LRMDA: variants seen among roughly 807,000 people sequenced by gnomAD.
The protein encoded by LRMDA is leucine rich melanocyte differentiation associated.
Under a neutral mutation model 29.8 loss-of-function variants are expected in LRMDA, and 18 were observed. The ratio of observed to expected loss-of-function variants is 0.60; its 90% confidence interval spans 0.42 to 0.90. LRMDA has a LOEUF of 0.90. LRMDA is among the 40% of genes least tolerant of loss of function. The pLI is 0.00. For synonymous variants in LRMDA, 125 were observed against 109.4 expected (o/e 1.14, Z -0.89); for missense variants, 273 against 273.9 (o/e 1.00, Z 0.02).
chr10:75,718,886 A>G (rs1274167118), intron 2 of LRMDA, among the ~76,000 whole-genome samples: 1 of 152,216 alleles, frequency 6.6e-6, no homozygotes, highest in African/African-American at 2.4e-5. Context: ...TACAAAGGAT[A>G]AATATCTAAA....
chr10:76,117,683 C>T (rs1337122759), intron 5 of LRMDA, among the ~76,000 whole-genome samples: 1 of 152,170 alleles, frequency 6.6e-6, no homozygotes, highest in Non-Finnish European at 1.5e-5. Context: ...AGACTGAGTG[C>T]TTTCCATGGT....
At chr10:76,015,899 T>C (rs1462843007) in intron 2 of LRMDA, among the ~76,000 whole-genome samples, 1 of 152,262 alleles carries the variant, frequency 6.6e-6, no homozygotes, top group Non-Finnish European at 1.5e-5. Context: ...TTTATGATTT[T>C]CAAGTCTCAT....
At chr10:76,142,687 TTA>T (rs1337058055) in intron 5 of LRMDA, among the ~76,000 whole-genome samples, 1,121 of 18,408 alleles carry the variant, frequency 0.061, 43 homozygotes, top group African/African-American at 0.3. Flanking sequence ...ATTATCTTTA[TTA>T]TTATTATTAT....
chr10:75,928,287 GT>G (rs5786203), intron 2 of LRMDA, among the ~76,000 whole-genome samples: 2 of 146,892 alleles, frequency 1.4e-5, no homozygotes. Flanking sequence ...TTAGTTTTGG[GT>G]TTTTTTTTTT....
At chr10:76,488,172 ATC>A (rs1005029809) in intron 6 of LRMDA, among the ~76,000 whole-genome samples, 4 of 151,868 alleles carry the variant, frequency 2.6e-5, no homozygotes, top group African/African-American at 7.2e-5. Flanking sequence ...GAAAAAAATT[ATC>A]TGTTTTTCTT....
At chr10:76,028,239 A>G (rs1413318744) in intron 2 of LRMDA, among the ~76,000 whole-genome samples, 2 of 152,116 alleles carry the variant, frequency 1.3e-5, no homozygotes, top group African/African-American at 4.8e-5. Flanking sequence ...AATTTCTCCC[A>G]TATTTTTATT....
intron 2 of LRMDA, among the ~76,000 whole-genome samples, chr10:75,873,767 T>G (rs930069875): frequency 5.9e-5 from 9 of 152,256 alleles, no homozygotes; most frequent in African/African-American, 2.2e-4. Flanking sequence ...GGTTAGTTTT[T>G]CTCTCTAAGC....
At position 75,653,991 on chromosome 10, in the gene LRMDA, C is replaced by T. The variant is rs540333721; in HGVS notation, c.131+215497C>T. Among the ~76,000 whole-genome samples the T allele has an allele frequency of 2.0e-4, 31 of 152,340 alleles. No homozygotes were observed. In the South Asian group the frequency reaches 5.4e-3, roughly 26 times the overall value. On this transcript the variant is annotated intron_variant, in intron 2 of 6. Transcript: ENST00000611255. ...TTTAGTAAAGTCCCCGGGTTGGCCT[C>T]TATGTGGACATTTGGTCCCCAGTGC...
At chr10:76,169,762 G>A (rs906471043) in intron 5 of LRMDA, among the ~76,000 whole-genome samples, 1 of 152,074 alleles carries the variant, frequency 6.6e-6, no homozygotes, top group Non-Finnish European at 1.5e-5. Flanking sequence ...GGTTCTCAAG[G>A]GTTTAAAAGC....
chr10:75,722,673 G>A (rs1842583068), intron 2 of LRMDA, among the ~76,000 whole-genome samples: 1 of 152,150 alleles, frequency 6.6e-6, no homozygotes, highest in African/African-American at 2.4e-5. Context: ...CTGTTTTGGG[G>A]TCAGTTAAAT....
intron 6 of LRMDA, among the ~76,000 whole-genome samples, chr10:76,504,721 T>C (rs1194203983): frequency 4.6e-5 from 7 of 152,100 alleles, no homozygotes; most frequent in Non-Finnish European, 1.0e-4. Context: ...CTCTAAATGA[T>C]GGCAGAGAGT....
chr10:76,199,097 T>A (rs960175), intron 5 of LRMDA, among the ~76,000 whole-genome samples: 7,528 of 152,264 alleles, frequency 0.049, 566 homozygotes, highest in African/African-American at 0.16. Context: ...TATGTGTGTG[T>A]GCACTTGTGT....
chr10:76,317,539 A>G (rs1312974292), intron 5 of LRMDA, among the ~76,000 whole-genome samples: 1 of 152,096 alleles, frequency 6.6e-6, no homozygotes, highest in African/African-American at 2.4e-5. Context: ...AAAGTTTACA[A>G]CTCCAAACAT....
chr10:75,475,599 T>C (rs1192367502), intron 2 of LRMDA, among the ~76,000 whole-genome samples: 1 of 152,242 alleles, frequency 6.6e-6, no homozygotes, highest in Non-Finnish European at 1.5e-5. Flanking sequence ...GTTTGGTATC[T>C]AGGCTCCTTT....
At chr10:75,465,865 T>G (rs193215215) in intron 2 of LRMDA, among the ~76,000 whole-genome samples, 1 of 152,356 alleles carries the variant, frequency 6.6e-6, no homozygotes, top group African/African-American at 2.4e-5. Context: ...CGTCCAATCT[T>G]GCTTAATGAA....
chr10:75,643,994 C>T (rs1435063146), intron 2 of LRMDA, among the ~76,000 whole-genome samples: 1 of 152,140 alleles, frequency 6.6e-6, no homozygotes, highest in Non-Finnish European at 1.5e-5. Context: ...ATGTGAATAT[C>T]TCATCATGAT....
At chr10:76,110,014 A>C (rs1849551323) in intron 5 of LRMDA, among the ~76,000 whole-genome samples, 1 of 152,098 alleles carries the variant, frequency 6.6e-6, no homozygotes, top group Admixed American at 6.5e-5. Context: ...CCAGGTTTTC[A>C]TGGGACAGCC....
At chr10:76,262,620 C>G (rs772711286) in intron 5 of LRMDA, among the ~76,000 whole-genome samples, 2 of 152,196 alleles carry the variant, frequency 1.3e-5, no homozygotes, top group African/African-American at 2.4e-5. Context: ...CTGGGTTATT[C>G]AACATCTTTC....
At chr10:76,424,301 G>C (rs1842100814) in intron 6 of LRMDA, among the ~76,000 whole-genome samples, 1 of 152,108 alleles carries the variant, frequency 6.6e-6, no homozygotes, top group African/African-American at 2.4e-5. Flanking sequence ...GTTTAAAACA[G>C]GTAGGACCAC....
Sources: gnomAD v4.1 joint callset for allele counts (sites outside exome capture counted in the v4.1 genomes callset) on GRCh38, gnomAD v4.1.1 for gene constraint, MANE v1.5 for transcripts, NCBI Gene and HGNC (gene_info 2026-07-23, HGNC 2026-07-21) for gene names.